LYPD6B: variants seen among roughly 807,000 people sequenced by gnomAD.
LYPD6B encodes the protein ly6/PLAUR domain-containing protein 6B.
Under a neutral mutation model 22.8 loss-of-function variants are expected in LYPD6B, and 17 were observed. The ratio of observed to expected loss-of-function variants is 0.75; its 90% confidence interval spans 0.51 to 1.12. LYPD6B has a LOEUF of 1.12. Among genes scored for constraint, LYPD6B ranks in the 50% most tolerant of loss-of-function variants. The probability of loss-of-function intolerance (pLI) is 0.00; values close to 1 mark genes in which losing one functional copy is unlikely to be tolerated. For synonymous variants in LYPD6B, 106 were observed against 91.6 expected, an observed-to-expected ratio of 1.16 and a Z score of -0.90; for missense variants, 221 against 258.3, an observed-to-expected ratio of 0.86 and a Z score of 0.99.
chr2:149,199,202 C>G (rs757885922), intron 3 of LYPD6B, among the ~76,000 whole-genome samples: 13 of 152,208 alleles, frequency 8.5e-5, no homozygotes, highest in Non-Finnish European at 1.6e-4. Context: ...TCAATCCACA[C>G]CACAACTTAG....
At chr2:149,193,025 T>G (rs1285324376) in intron 3 of LYPD6B, among the ~76,000 whole-genome samples, 1 of 152,110 alleles carries the variant, frequency 6.6e-6, no homozygotes, top group East Asian at 1.9e-4. Flanking sequence ...GCCAGACTTG[T>G]GAGTCTGTGG....
chr2:149,110,451 C>G (rs1219753923), intron 1 of LYPD6B, among the ~76,000 whole-genome samples: 1 of 151,924 alleles, frequency 6.6e-6, no homozygotes, highest in Non-Finnish European at 1.5e-5. Flanking sequence ...ATTCTTGAAC[C>G]TTGTTTTAGG....
chr2:149,210,934 T>C (rs576695162), intron 5 of LYPD6B, among the ~76,000 whole-genome samples: 1 of 152,300 alleles, frequency 6.6e-6, no homozygotes, highest in South Asian at 2.1e-4. Flanking sequence ...CTGGGTCATT[T>C]ATAAAGAAAA....
intron 3 of LYPD6B, among the ~76,000 whole-genome samples, chr2:149,184,191 A>G (rs1258260251): frequency 6.6e-6 from 1 of 152,212 alleles, no homozygotes; most frequent in African/African-American, 2.4e-5. Flanking sequence ...CATCTCAAAA[A>G]AAAAAAAAGT....
intron 1 of LYPD6B, among the ~76,000 whole-genome samples, chr2:149,108,719 A>G (rs1217889617): frequency 6.6e-6 from 1 of 152,104 alleles, no homozygotes; most frequent in Non-Finnish European, 1.5e-5. Context: ...TAAGTTTTTC[A>G]TCTTGCTATT....
intron 3 of LYPD6B, among the ~76,000 whole-genome samples, chr2:149,184,935 C>T (rs1575141033): frequency 6.6e-6 from 1 of 152,182 alleles, no homozygotes; most frequent in Non-Finnish European, 1.5e-5. Context: ...TCCTTTGTCC[C>T]ATAAAGTGCC....
chr2:149,069,053 C>T (rs1684472625), intron 1 of LYPD6B: 1 of 152,896 alleles, frequency 6.5e-6, no homozygotes, highest in African/African-American at 2.4e-5. Flanking sequence ...TTTCCCCCAA[C>T]CCCCACCCCG....
intron 1 of LYPD6B, among the ~76,000 whole-genome samples, chr2:149,056,459 G>A (rs1056008508): frequency 2.6e-5 from 4 of 152,144 alleles, no homozygotes; most frequent in African/African-American, 9.7e-5. Context: ...GTCTCAATGT[G>A]CTGTTGGAAG....
intron 3 of LYPD6B, among the ~76,000 whole-genome samples, chr2:149,191,290 T>C (rs1204595995): frequency 6.6e-6 from 1 of 152,156 alleles, no homozygotes. Context: ...TAAAACTTAA[T>C]TAAATAATGT....
chr2:149,149,627 G>A (rs887422670), intron 2 of LYPD6B, among the ~76,000 whole-genome samples: 4 of 152,148 alleles, frequency 2.6e-5, no homozygotes, highest in Admixed American at 6.5e-5. Flanking sequence ...AAACAAGAAT[G>A]TATCACATGC....
At chr2:149,184,309 T>G (rs775001265) in intron 3 of LYPD6B, among the ~76,000 whole-genome samples, 1 of 152,160 alleles carries the variant, frequency 6.6e-6, no homozygotes, top group Non-Finnish European at 1.5e-5. Flanking sequence ...ATTACTTACA[T>G]GTAAGGAAGC....
In LYPD6B at chr2:149,213,065, C is replaced by A. The variant is rs367592975; in HGVS notation, c.402C>A (p.Ala134=). ...GCACATCCATCACCAAAAAGTGTGC[C>A]TCCAGAAGTGAATGTCATTTTGTCG... ...GRSTSITKKC[A]SRSECHFVGC... is the part of the protein sequence containing the mutation. The change falls in exon 6 of 7, where the codon GCC becomes GCA. Residue 134 remains alanine (A), a synonymous_variant. Coordinates refer to ENST00000409642, the MANE Select transcript of LYPD6B (RefSeq NM_177964.5). 214 of 1,613,814 alleles carry A rather than the reference C, an allele frequency of 1.3e-4. No homozygotes were observed. The highest frequency in any genetic ancestry group is 1.8e-4 in the Non-Finnish European group (208 of 1,179,870).
At chr2:149,141,198 G>T (rs1688672024) in intron 2 of LYPD6B, among the ~76,000 whole-genome samples, 1 of 152,184 alleles carries the variant, frequency 6.6e-6, no homozygotes, top group Non-Finnish European at 1.5e-5. Context: ...TGACGTTTGG[G>T]CAGAGAGCTG....
chr2:149,110,726 T>A (rs1424925079), intron 1 of LYPD6B, among the ~76,000 whole-genome samples: 1 of 152,218 alleles, frequency 6.6e-6, no homozygotes, highest in Non-Finnish European at 1.5e-5. Context: ...TTTTTGAATA[T>A]GGACAATGTG....
chr2:149,076,098 G>A (rs915884387), intron 1 of LYPD6B, among the ~76,000 whole-genome samples: 3 of 152,208 alleles, frequency 2.0e-5, no homozygotes, highest in South Asian at 2.1e-4. Flanking sequence ...ATCCAGAGGC[G>A]CGGGAGAATG....
intron 1 of LYPD6B, among the ~76,000 whole-genome samples, chr2:149,098,765 C>CTTT (rs10658424): frequency 1.0e-3 from 147 of 140,096 alleles, no homozygotes; most frequent in East Asian, 1.6e-3. Context: ...TGTGCTTTTT[C>CTTT]TTTTTTTTTT....
intron 2 of LYPD6B, among the ~76,000 whole-genome samples, chr2:149,142,518 A>G (rs971804285): frequency 4.6e-5 from 7 of 152,234 alleles, no homozygotes; most frequent in South Asian, 2.1e-4. Context: ...GGAGAGTGCC[A>G]GCCAAGTATT....
At chr2:149,080,515 T>A (rs1685073713) in intron 1 of LYPD6B, among the ~76,000 whole-genome samples, 1 of 152,198 alleles carries the variant, frequency 6.6e-6, no homozygotes, top group Non-Finnish European at 1.5e-5. Context: ...GTTCTATTTC[T>A]CTCAAGTTCT....
intron 1 of LYPD6B, among the ~76,000 whole-genome samples, chr2:149,082,437 G>T (rs1371188468): frequency 2.0e-5 from 3 of 152,180 alleles, no homozygotes; most frequent in Non-Finnish European, 4.4e-5. Flanking sequence ...AGACATGCAA[G>T]AATTTGAAAG....
Sources: allele counts gnomAD v4.1 joint callset (sites outside exome capture counted in the v4.1 genomes callset), GRCh38; gene constraint gnomAD v4.1.1; transcripts MANE v1.5; gene names NCBI Gene and HGNC (gene_info 2026-07-23, HGNC 2026-07-21).